Variants in FBXL13 observed in about 807,000 individuals in gnomAD.
FBXL13 encodes F-box and leucine rich repeat protein 13, also known as F-box and leucine-rich repeat protein 13.
FBXL13 carries 67 observed loss-of-function variants against 83.6 expected under a neutral mutation model. The ratio of observed to expected loss-of-function variants is 0.80; its 90% CI spans 0.66 to 0.98. The LOEUF is 0.98. Among genes scored for constraint, FBXL13 ranks in the 50% least tolerant of loss-of-function variants. FBXL13 has a pLI of 0.00. For missense variants in FBXL13, 822 were observed against 866.5 expected, an observed-to-expected ratio of 0.95 and a Z score of 0.64; for synonymous variants, 272 against 299.5, an observed-to-expected ratio of 0.91 and a Z score of 0.95.
chr7:102,941,216 G>A (rs1354673052), intron 8 of FBXL13, among the ~76,000 whole-genome samples: 1 of 152,106 alleles, frequency 6.6e-6, no homozygotes, highest in African/African-American at 2.4e-5. Flanking sequence ...AATAAATAAG[G>A]ATACTACAGA....
chr7:102,944,130 A>C, intron 8 of FBXL13: 1 of 1,119,588 alleles, frequency 8.9e-7, no homozygotes, highest in South Asian at 2.1e-5. Flanking sequence ...CTCTTTTTAA[A>C]ATTTGTATTT....
At chr7:103,009,001 T>C (rs1791289934) in intron 6 of FBXL13, among the ~76,000 whole-genome samples, 1 of 152,010 alleles carries the variant, frequency 6.6e-6, no homozygotes, top group African/African-American at 2.4e-5. Context: ...TAAAGTGGCA[T>C]AACATTATTT....
chr7:102,860,502 C>T (rs1806652338), intron 16 of FBXL13, among the ~76,000 whole-genome samples: 1 of 152,142 alleles, frequency 6.6e-6, no homozygotes, highest in South Asian at 2.1e-4. Context: ...AGTTTGGGGT[C>T]ACTGGGAGTA....
intron 14 of FBXL13, among the ~76,000 whole-genome samples, chr7:102,880,911 A>G (rs1323833432): frequency 1.3e-5 from 2 of 152,256 alleles, no homozygotes; most frequent in East Asian, 1.9e-4. Flanking sequence ...TTGTCATAAA[A>G]TTTGTGCTCA....
intron 8 of FBXL13, among the ~76,000 whole-genome samples, chr7:102,949,944 A>G (rs1823154173): frequency 6.6e-6 from 1 of 152,160 alleles, no homozygotes; most frequent in African/African-American, 2.4e-5. Context: ...CGTCTCTACT[A>G]AAAGTCCAAA....
At chr7:103,050,161 G>T (rs1238733404) in intron 2 of FBXL13, 1 of 152,168 alleles carries the variant, frequency 6.6e-6, no homozygotes, top group Non-Finnish European at 1.5e-5. Context: ...CTTAAGAGAA[G>T]CCTCAGAATT....
At chr7:102,937,124 A>AC (rs1159214252) in intron 8 of FBXL13, among the ~76,000 whole-genome samples, 40 of 152,214 alleles carry the variant, frequency 2.6e-4, no homozygotes, top group African/African-American at 8.9e-4. Context: ...TAGTATATGT[A>AC]ACACTGGGTC....
intron 2 of FBXL13, among the ~76,000 whole-genome samples, chr7:103,037,355 C>A (rs1795174129): frequency 6.6e-6 from 1 of 152,188 alleles, no homozygotes; most frequent in Non-Finnish European, 1.5e-5. Flanking sequence ...GATTAAAACT[C>A]CAGCCCCTAA....
chr7:102,944,492 A>T (rs745547255), intron 8 of FBXL13: 1 of 1,614,138 alleles, frequency 6.2e-7, no homozygotes, highest in South Asian at 1.1e-5. Flanking sequence ...CCCAAAGACA[A>T]GTTACCAGCA....
intron 2 of FBXL13, among the ~76,000 whole-genome samples, chr7:103,037,274 A>G (rs1478614939): frequency 6.6e-6 from 1 of 152,240 alleles, no homozygotes; most frequent in African/African-American, 2.4e-5. Flanking sequence ...ACAAGGATAC[A>G]GGATCAACCA....
chr7:103,026,905 T>C (rs956615787), intron 5 of FBXL13, among the ~76,000 whole-genome samples: 2 of 152,228 alleles, frequency 1.3e-5, no homozygotes, highest in Non-Finnish European at 2.9e-5. Flanking sequence ...AGCATGTTTC[T>C]ACATCTGATC....
chr7:102,832,150 T>C (rs1432706964), intron 18 of FBXL13, among the ~76,000 whole-genome samples: 1 of 152,196 alleles, frequency 6.6e-6, no homozygotes, highest in Non-Finnish European at 1.5e-5. Context: ...TCCCTTAAGC[T>C]TTTATATGTA....
intron 6 of FBXL13, among the ~76,000 whole-genome samples, chr7:103,013,074 C>G (rs1480167069): frequency 6.6e-6 from 1 of 152,202 alleles, no homozygotes; most frequent in African/African-American, 2.4e-5. Flanking sequence ...GTAAAGGACT[C>G]AATTCAACAA....
rs150408288 is a variant in FBXL13 at position 102,916,053 on chromosome 7, G to A, written c.879-2838C>T. On this transcript the variant is annotated intron_variant, in intron 10 of 19. Transcript: ENST00000313221. ...GGCTGGAGTGCAATGGCATGATCTCGGCTCACTGCAACCTCCACCTCCCAG... is the reference window on the plus strand; with the variant it reads ...GGCTGGAGTGCAATGGCATGATCTCAGCTCACTGCAACCTCCACCTCCCAG... 2.2e-3 allele frequency among the ~76,000 whole-genome samples: 332 copies of A among 151,350 alleles called. 3 individuals are homozygous for A. Among genetic ancestry groups the A allele is most frequent in the Middle Eastern group, 0.02 (6 of 294 alleles).
chr7:103,022,476 TA>T (rs938987917), intron 6 of FBXL13, among the ~76,000 whole-genome samples: 100 of 140,928 alleles, frequency 7.1e-4, no homozygotes, highest in Middle Eastern at 3.6e-3. Context: ...ACTTAAAGTA[TA>T]AAAAAAAAAA....
intron 1 of FBXL13, among the ~76,000 whole-genome samples, chr7:103,065,689 T>C (rs1453987186): frequency 2.0e-5 from 3 of 152,084 alleles, no homozygotes; most frequent in Non-Finnish European, 4.4e-5. Flanking sequence ...GAAATAACCT[T>C]GGAAGGAGGG....
chr7:103,060,298 C>T (rs1797784154), intron 1 of FBXL13, among the ~76,000 whole-genome samples: 1 of 151,712 alleles, frequency 6.6e-6, no homozygotes. Context: ...AGTGATCGTC[C>T]TTCCTCTCAG....
intron 16 of FBXL13, among the ~76,000 whole-genome samples, chr7:102,876,351 C>T (rs2129457785): frequency 6.6e-6 from 1 of 152,280 alleles, no homozygotes; most frequent in Middle Eastern, 3.4e-3. Flanking sequence ...GAAGACCAGA[C>T]ACTGACCCTG....
chr7:102,938,763 G>A (rs1199860584), intron 8 of FBXL13, among the ~76,000 whole-genome samples: 1 of 152,164 alleles, frequency 6.6e-6, no homozygotes, highest in East Asian at 1.9e-4. Context: ...TAAGGTAAAA[G>A]AACTAAAGAA....
Sources: allele counts gnomAD v4.1 joint callset (sites outside exome capture counted in the v4.1 genomes callset), GRCh38; gene constraint gnomAD v4.1.1; transcripts MANE v1.5; gene names NCBI Gene and HGNC (gene_info 2026-07-23, HGNC 2026-07-21).